The following PTPRT variants were observed in gnomAD, a reference collection of about 807,000 sequenced individuals.
PTPRT encodes the protein protein tyrosine phosphatase receptor type T.
Under a neutral mutation model 176.8 loss-of-function variants are expected in PTPRT, and 56 were observed. The observed-to-expected ratio is 0.32, with a 90% CI of 0.26 to 0.40. The LOEUF (loss-of-function observed/expected upper bound fraction) is 0.40. Ranked by LOEUF, PTPRT falls within the 10% of genes least tolerant of loss-of-function variation. PTPRT has a pLI of 1.00. For synonymous variants in PTPRT, 783 were observed against 739.0 expected, an observed-to-expected ratio of 1.06 and a Z score of -0.96; for missense variants, 1,540 against 1,908.2, an observed-to-expected ratio of 0.81 and a Z score of 3.60.
intron 7 of PTPRT, among the ~76,000 whole-genome samples, chr20:42,544,076 CAA>C (rs2072630594): frequency 1.3e-5 from 2 of 152,124 alleles, no homozygotes; most frequent in African/African-American, 4.8e-5. Flanking sequence ...GTCTTCAACT[CAA>C]GAGTCACCAG....
At chr20:42,108,741 A>G (rs2146281107) in intron 23 of PTPRT, among the ~76,000 whole-genome samples, 1 of 152,298 alleles carries the variant, frequency 6.6e-6, no homozygotes, top group East Asian at 1.9e-4. Flanking sequence ...GCAGAGAATA[A>G]TGATATATTA....
chr20:42,533,131 G>A (rs1351327355), intron 7 of PTPRT, among the ~76,000 whole-genome samples: 3 of 152,234 alleles, frequency 2.0e-5, no homozygotes, highest in African/African-American at 7.2e-5. Context: ...AAGCGGGACT[G>A]GTTCTGGAAG....
chr20:43,154,935 C>T (rs949676728), intron 1 of PTPRT, among the ~76,000 whole-genome samples: 1 of 151,932 alleles, frequency 6.6e-6, no homozygotes, highest in Non-Finnish European at 1.5e-5. Flanking sequence ...AAATGGCCAA[C>T]GGGTATATGA....
At chr20:42,557,021 G>A (rs8119342) in intron 7 of PTPRT, among the ~76,000 whole-genome samples, 35,661 of 151,858 alleles carry the variant, frequency 0.23, 4,725 homozygotes, top group African/African-American at 0.36. Flanking sequence ...GACACTTTTC[G>A]CTACTGGGAA....
chr20:42,963,294 G>A (rs1982108557), intron 1 of PTPRT, among the ~76,000 whole-genome samples: 1 of 151,932 alleles, frequency 6.6e-6, no homozygotes, highest in African/African-American at 2.4e-5. Flanking sequence ...ACTGAGGCAG[G>A]ATAATCGCTT....
intron 8 of PTPRT, among the ~76,000 whole-genome samples, chr20:42,467,128 C>T (rs1246223044): frequency 1.3e-5 from 2 of 152,096 alleles, no homozygotes; most frequent in South Asian, 2.1e-4. Flanking sequence ...AACTAGTAAG[C>T]GTAGGGAGAA....
chr20:43,169,102 G>T (rs2146456477), intron 1 of PTPRT, among the ~76,000 whole-genome samples: 1 of 152,278 alleles, frequency 6.6e-6, no homozygotes, highest in Non-Finnish European at 1.5e-5. Context: ...CAGTTCTTGT[G>T]CAGCCTTGGG....
chr20:42,877,512 C>G (rs991553251), intron 2 of PTPRT, among the ~76,000 whole-genome samples: 2 of 152,124 alleles, frequency 1.3e-5, no homozygotes, highest in Non-Finnish European at 2.9e-5. Context: ...TGTGATTACA[C>G]AGAAGGGGAA....
chr20:42,173,113 G>A (rs1281682874), intron 16 of PTPRT, among the ~76,000 whole-genome samples: 2 of 152,182 alleles, frequency 1.3e-5, no homozygotes, highest in Non-Finnish European at 2.9e-5. Context: ...ATCTTGACTT[G>A]TTCCAGTGAC....
At chr20:42,185,309 G>A (rs780890987) in intron 16 of PTPRT, among the ~76,000 whole-genome samples, 20 of 152,180 alleles carry the variant, frequency 1.3e-4, no homozygotes, top group Non-Finnish European at 1.9e-4. Context: ...TTCTTCCATC[G>A]GGAGGGCCAT....
intron 1 of PTPRT, among the ~76,000 whole-genome samples, chr20:42,993,986 T>C (rs749431113): frequency 2.6e-5 from 4 of 152,190 alleles, no homozygotes; most frequent in Non-Finnish European, 5.9e-5. Flanking sequence ...GTCTTCTCAG[T>C]GACAGACTTG....
At chr20:42,283,463 T>C (rs576053576) in intron 12 of PTPRT, among the ~76,000 whole-genome samples, 1 of 152,218 alleles carries the variant, frequency 6.6e-6, no homozygotes, top group East Asian at 1.9e-4. Flanking sequence ...GCAATCAGGA[T>C]AGGAAAGGTT....
rs73280334 is a variant in PTPRT, at chr20:43,184,895, C to T, written c.88+4751G>A. Among the ~76,000 whole-genome samples, 792 of 152,232 alleles carry T rather than the reference C, an allele frequency of 5.2e-3. 10 individuals are homozygous for T. Among genetic ancestry groups the T allele is most frequent in the African/African-American group, 0.018 (745 of 41,524 alleles). On this transcript the variant is annotated intron_variant, in intron 1 of 30. Transcript: ENST00000373187. The stretch of plus-strand genomic sequence containing the variant: ...TAGATAATAAATAAATGCCATTATC[C>T]TGCTCATTTCTGCCTCTACTGGCAA...
intron 15 of PTPRT, among the ~76,000 whole-genome samples, chr20:42,227,592 C>T (rs1320963883): frequency 1.4e-5 from 2 of 143,052 alleles, no homozygotes; most frequent in Non-Finnish European, 3.0e-5. Context: ...TGGGGAAAGT[C>T]CCTCATTGTT....
At chr20:43,177,479 G>A (rs1400491863) in intron 1 of PTPRT, among the ~76,000 whole-genome samples, 2 of 152,136 alleles carry the variant, frequency 1.3e-5, no homozygotes, top group Non-Finnish European at 2.9e-5. Flanking sequence ...CATCTGAAAA[G>A]GAAACCTGGA....
intron 1 of PTPRT, among the ~76,000 whole-genome samples, chr20:43,162,909 C>T (rs1320756275): frequency 6.6e-6 from 1 of 152,246 alleles, no homozygotes; most frequent in Non-Finnish European, 1.5e-5. Flanking sequence ...CTTACACCTA[C>T]CATCTCCGTA....
At position 42,907,728 on chromosome 20, in the gene PTPRT, A is replaced by T. The variant is rs1272220167; in HGVS notation, c.89-21796T>A. Among the ~76,000 whole-genome samples the T allele has an allele frequency of 1.6e-4, 24 of 152,152 alleles. 1 individual carries two copies. Among genetic ancestry groups the T allele is most frequent in the Admixed American group, 1.6e-3 (24 of 15,280 alleles). The stretch of plus-strand genomic sequence containing the variant: ...TGCATCAACAGTACTTGAAGTCATT[A>T]GTTTGTTATTGTCCTTGTTTCCCAT... On this transcript the variant is annotated intron_variant, in intron 1 of 30. Transcript: ENST00000373187.
rs1569113401 is a variant in PTPRT at position 42,725,009 on chromosome 20, T to TGTGTGTGTGTGTGTGTGTG, written c.859+31452_859+31453insCACACACACACACACACAC. Among the ~76,000 whole-genome samples, 45 of 134,038 alleles carry TGTGTGTGTGTGTGTGTGTG rather than the reference T, an allele frequency of 3.4e-4. 1 individual carries two copies. Among genetic ancestry groups the TGTGTGTGTGTGTGTGTGTG allele is most frequent in the African/African-American group, 1.2e-3 (45 of 38,050 alleles). The allele number at this position is 134,038 out of a possible 152,430, so 87.9% of individuals were successfully genotyped here. A position where few individuals can be genotyped will look rare whatever the true frequency, so the allele number is the denominator to read the frequency against. On this transcript the variant is annotated intron_variant, in intron 6 of 30. Coordinates refer to ENST00000373187, the MANE Select transcript of PTPRT (RefSeq NM_007050.6). ...CTTGACAGCAGGATGTGGACATCTT[T>TGTGTGTGTGTGTGTGTGTG]TGTGTGTGTGTGTGTGTGTGTGTGT...
intron 1 of PTPRT, among the ~76,000 whole-genome samples, chr20:42,990,107 G>A (rs6072925): frequency 0.2 from 30,696 of 152,124 alleles, 3,212 homozygotes; most frequent in Non-Finnish European, 0.22. Flanking sequence ...AGCCGTCACC[G>A]TTTCAAAGAG....
Sources: gnomAD v4.1 joint callset for allele counts (sites outside exome capture counted in the v4.1 genomes callset) on GRCh38, gnomAD v4.1.1 for gene constraint, MANE v1.5 for transcripts, NCBI Gene and HGNC (gene_info 2026-07-23, HGNC 2026-07-21) for gene names.